ILDR2: variants seen among roughly 807,000 people sequenced by gnomAD.
ILDR2 encodes the protein immunoglobulin-like domain-containing receptor 2.
A neutral mutation model predicts 66.8 loss-of-function variants in ILDR2; 25 were observed. The observed-to-expected ratio is 0.37, with a 90% CI of 0.27 to 0.52. The LOEUF (loss-of-function observed/expected upper bound fraction) is 0.52. Among genes scored for constraint, ILDR2 ranks in the 20% least tolerant of loss-of-function variants. The probability of loss-of-function intolerance (pLI) is 0.88; values close to 1 mark genes in which losing one functional copy is unlikely to be tolerated. For missense variants in ILDR2, 827 were observed against 876.8 expected, an observed-to-expected ratio of 0.94 and a Z score of 0.72; for synonymous variants, 367 against 357.2, an observed-to-expected ratio of 1.03 and a Z score of -0.31.
chr1:166,937,240 A>G (rs1329832234), intron 4 of ILDR2, among the ~76,000 whole-genome samples: 2 of 152,190 alleles, frequency 1.3e-5, no homozygotes, highest in Non-Finnish European at 2.9e-5. Flanking sequence ...TGTAGTTTAT[A>G]GTTAGGTGGT....
At chr1:166,969,024 C>T (rs1663124555) in intron 1 of ILDR2, among the ~76,000 whole-genome samples, 2 of 152,164 alleles carry the variant, frequency 1.3e-5, no homozygotes, top group Admixed American at 6.5e-5. Flanking sequence ...TGAGGGCCTA[C>T]TGTGTGCCAA....
At chr1:166,962,599 T>A (rs1662684118) in intron 1 of ILDR2, among the ~76,000 whole-genome samples, 1 of 152,126 alleles carries the variant, frequency 6.6e-6, no homozygotes, top group Non-Finnish European at 1.5e-5. Flanking sequence ...ATTGCCAGTC[T>A]CCTGTGGACA....
chr1:166,956,576 G>C (rs528865773), intron 3 of ILDR2, among the ~76,000 whole-genome samples, 157 bp downstream of exon 3: 1 of 152,340 alleles, frequency 6.6e-6, no homozygotes, highest in South Asian at 2.1e-4. Context: ...TACAGCTACT[G>C]CTCATAAAGA....
chr1:166,907,478 G>A (rs78764277), downstream of ILDR2, among the ~76,000 whole-genome samples: 410 of 152,268 alleles, frequency 2.7e-3, 1 homozygote, highest in African/African-American at 9.1e-3. Context: ...TTCATGGAGC[G>A]TGCTGTAGGC....
rs753648063 is a variant in ILDR2 at position 166,918,976 on chromosome 1, A to G, written c.*379T>C. ...CTAAGTATAGCACAGGAGGTATAGA[A>G]AAGCATATTGTAGGCATAGGCAATT... On this transcript the variant is annotated 3_prime_UTR_variant, in exon 10 of 10. Coordinates refer to ENST00000271417, the MANE Select transcript of ILDR2 (RefSeq NM_199351.3). 1 of 381,116 alleles carries G rather than the reference A, an allele frequency of 2.6e-6. No homozygotes were observed. Among genetic ancestry groups the G allele is most frequent in the Non-Finnish European group, 4.7e-6 (1 of 214,194 alleles). 23.6% of individuals were successfully genotyped at this position (381,116 alleles called of 1,614,324 possible).
At position 166,936,437 on chromosome 1, in the gene ILDR2, G is replaced by T. The variant is rs1005784960; in HGVS notation, c.703+154C>A. ...GGCAAATGAGAATGGTCATCCCTGAGGCCAGGGGCACCCAGCGGAGAAGAG... is the reference window on the plus strand; with the variant it reads ...GGCAAATGAGAATGGTCATCCCTGATGCCAGGGGCACCCAGCGGAGAAGAG... On this transcript the variant is annotated intron_variant, in intron 5 of 9. Transcript: ENST00000271417. This position sits in a 1 kb window ranked among gnomAD's most constrained non-coding sequence, Gnocchi z 5.0. Among the ~76,000 whole-genome samples, 1 of 152,200 alleles carries T rather than the reference G, an allele frequency of 6.6e-6. No homozygotes were observed. The highest frequency in any genetic ancestry group is 2.4e-5 in the African/African-American group (1 of 41,448).
intron 1 of ILDR2, among the ~76,000 whole-genome samples, chr1:166,964,216 G>C (rs1162770313): frequency 6.6e-6 from 1 of 151,666 alleles, no homozygotes; most frequent in Non-Finnish European, 1.5e-5. Context: ...TTTCTGCTTT[G>C]CAGAGGAGGG....
chr1:166,909,821 T>C lies in ILDR2; in HGVS notation c.*9534A>G, dbSNP rs1478406011. On this transcript the variant is annotated 3_prime_UTR_variant, in exon 10 of 10. Coordinates refer to ENST00000271417, the MANE Select transcript of ILDR2 (RefSeq NM_199351.3). ...TATATATATATCCTTCTAGCTTTGC[T>C]CTACTGGACATTAACGTCTCAGAGA... The C allele has an allele frequency of 7.2e-6, 1 of 137,976 alleles. No homozygotes were observed. The allele number at this position is 137,976 out of a possible 1,614,324, so 8.5% of individuals were successfully genotyped here.
At chr1:166,905,849 C>T (rs960012601), downstream of ILDR2, among the ~76,000 whole-genome samples, 6 of 152,314 alleles carry the variant, frequency 3.9e-5, no homozygotes, top group Non-Finnish European at 8.8e-5. Context: ...AAATCTGTGG[C>T]CATACTCTAT....
At chr1:166,924,919 G>T (rs1660185387) in intron 7 of ILDR2, among the ~76,000 whole-genome samples, 2 of 152,124 alleles carry the variant, frequency 1.3e-5, no homozygotes, top group Non-Finnish European at 2.9e-5. Flanking sequence ...GGGAGGCTGA[G>T]GTGGAAGGAT....
chr1:166,959,726 G>T (rs1188631067), intron 1 of ILDR2, among the ~76,000 whole-genome samples: 3 of 152,172 alleles, frequency 2.0e-5, no homozygotes, highest in African/African-American at 7.2e-5. Flanking sequence ...TCAATGATAA[G>T]ATCTAGAAAT....
At position 166,921,272 on chromosome 1, in the gene ILDR2, C is replaced by G; in HGVS notation, c.1319G>C (p.Arg440Pro). The G allele has an allele frequency of 6.3e-7, 1 of 1,599,882 alleles. No individual in the cohort carries two copies. Among genetic ancestry groups the G allele is most frequent in the African/African-American group, 1.3e-5 (1 of 74,896 alleles). ...ACTGTTGCCGTCTGCCCGGCGGGGC[C>G]GCTGGCCGTAGGAGTCAGCGAAGGC... ...LAAFADSYGQ[R>P]PRRADGNSHE... is the part of the protein sequence containing the mutation. The change falls in exon 9 of 10, where the codon CGG (arginine) becomes CCG (proline). Residue 440 changes from arginine to proline, a missense_variant. Arg to Pro is a moderately radical substitution (Grantham distance 103). Around this residue, in one of 2 missense-constraint regions of ILDR2, gnomAD observed 390 missense variants for 353.6 expected, o/e 1.10. Transcript: ENST00000271417. This position sits in a 1 kb window ranked among gnomAD's most constrained non-coding sequence, Gnocchi z 5.3.
At position 166,909,889 on chromosome 1, in the gene ILDR2, C is replaced by A. The variant is rs1304586016; in HGVS notation, c.*9466G>T. The A allele has an allele frequency of 6.7e-6, 1 of 149,566 alleles. No homozygotes were observed. Among genetic ancestry groups the A allele is most frequent in the African/African-American group, 2.5e-5 (1 of 40,566 alleles). The allele number at this position is 149,566 out of a possible 1,614,324, so 9.3% of individuals were successfully genotyped here. On this transcript the variant is annotated 3_prime_UTR_variant, in exon 10 of 10. Coordinates refer to ENST00000271417, the MANE Select transcript of ILDR2 (RefSeq NM_199351.3). ...AAAATCCACTGTGGCTATGCTTCTACACAAAATTTGTAACAAAATGTGAGA... is the reference window on the plus strand; with the variant it reads ...AAAATCCACTGTGGCTATGCTTCTAAACAAAATTTGTAACAAAATGTGAGA...
In ILDR2 at chr1:166,911,836, T is replaced by C. The variant is rs1326357389; in HGVS notation, c.*7519A>G. The C allele has an allele frequency of 6.6e-6, 1 of 151,504 alleles. No homozygotes were observed. Among genetic ancestry groups the C allele is most frequent in the Non-Finnish European group, 1.5e-5 (1 of 67,866 alleles). The allele number at this position is 151,504 out of a possible 1,614,324, so 9.4% of individuals were successfully genotyped here. A position where few individuals can be genotyped will look rare whatever the true frequency, so the allele number is the denominator to read the frequency against. ...ATAAACCTGAAGAAATTTACCTGAA[T>C]AGGGAATAGAAAACACAGAGAGAGG... On this transcript the variant is annotated 3_prime_UTR_variant, in exon 10 of 10. Coordinates refer to ENST00000271417, the MANE Select transcript of ILDR2 (RefSeq NM_199351.3).
rs1338676096 is a variant in ILDR2 at position 166,908,722 on chromosome 1, C to T, written c.*10633G>A. ...AAAGGTCCTAATGAAGGCAGTGACA[C>T]AGAGATGGATTTCTAAATTCAGAAC... is the stretch of plus-strand genomic sequence containing the variant. On this transcript the variant is annotated 3_prime_UTR_variant, in exon 10 of 10. Coordinates refer to ENST00000271417, the MANE Select transcript of ILDR2 (RefSeq NM_199351.3). 6.6e-6 allele frequency: 1 copy of T among 152,108 alleles called. No homozygotes were observed. The allele number at this position is 152,108 out of a possible 1,614,324, so 9.4% of individuals were successfully genotyped here.
intron 6 of ILDR2, 26 bp downstream of exon 6, chr1:166,935,275 G>A (rs1660878894): frequency 1.2e-5 from 19 of 1,613,240 alleles, no homozygotes; most frequent in Non-Finnish European, 1.6e-5. Flanking sequence ...ACAAGCATGG[G>A]CAGGGCAGTC....
chr1:166,960,614 C>T (rs1430377648), intron 1 of ILDR2, among the ~76,000 whole-genome samples: 1 of 152,154 alleles, frequency 6.6e-6, no homozygotes, highest in East Asian at 1.9e-4. Flanking sequence ...TTCTCCCTCA[C>T]CTTGCCAAAC....
intron 6 of ILDR2, among the ~76,000 whole-genome samples, chr1:166,934,958 A>G (rs1660856203): frequency 6.6e-6 from 1 of 152,166 alleles, no homozygotes; most frequent in African/African-American, 2.4e-5. Flanking sequence ...CATGTCCTAC[A>G]CTTCTTGCAG....
chr1:166,912,646 G>A lies in ILDR2; in HGVS notation c.*6709C>T, dbSNP rs1051929936. ...TGCTTCAAGCAAAAACAGATTTTCT[G>A]CTTGACAAGGCCACTAAAATCTGGA... On this transcript the variant is annotated 3_prime_UTR_variant, in exon 10 of 10. Transcript: ENST00000271417. 1.3e-5 allele frequency: 2 copies of A among 152,124 alleles called. No individual in the cohort carries two copies. Among genetic ancestry groups the A allele is most frequent in the Non-Finnish European group, 2.9e-5 (2 of 68,020 alleles). The allele number at this position is 152,124 out of a possible 1,614,324, so 9.4% of individuals were successfully genotyped here.
Sources: allele counts gnomAD v4.1 joint callset (sites outside exome capture counted in the v4.1 genomes callset), GRCh38; gene constraint gnomAD v4.1.1; regional missense constraint gnomAD v4.1.1; non-coding constraint Gnocchi (gnomAD v3.1); transcripts MANE v1.5; gene names NCBI Gene and HGNC (gene_info 2026-07-23, HGNC 2026-07-21).